SNAP25: variants seen among roughly 807,000 people sequenced by gnomAD.
The protein encoded by SNAP25 is synaptosomal-associated protein 25.
SNAP25 carries 3 observed loss-of-function variants against 28.7 expected under a neutral mutation model. That is an observed-to-expected ratio of 0.10 (90% CI 0.05 to 0.27). SNAP25 has a LOEUF of 0.27. Among genes scored for constraint, SNAP25 ranks in the 10% least tolerant of loss-of-function variants. The pLI, the probability that SNAP25 is intolerant of heterozygous loss-of-function variation, is 1.00. For synonymous variants in SNAP25, 61 were observed against 88.1 expected (o/e 0.69, Z 1.72); for missense variants, 117 against 278.7 (o/e 0.42, Z 4.13).
intron 1 of SNAP25, among the ~76,000 whole-genome samples, chr20:10,256,893 TATATGAAAATTTTC>T (rs1445851120): frequency 6.6e-6 from 1 of 152,228 alleles, no homozygotes; most frequent in Non-Finnish European, 1.5e-5. Context: ...CAATGTCTAA[TATATGAAAATTTTC>T]ATAATGTAAT....
At chr20:10,219,427 A>G (rs902407276) in intron 1 of SNAP25, 1 of 152,098 alleles carries the variant, frequency 6.6e-6, no homozygotes, top group Non-Finnish European at 1.5e-5. Context: ...GCGAAAGGAG[A>G]AAGGGGGAGT....
At chr20:10,290,130 G>A (rs910886564) in intron 4 of SNAP25, among the ~76,000 whole-genome samples, 1 of 152,162 alleles carries the variant, frequency 6.6e-6, no homozygotes, top group African/African-American at 2.4e-5. Flanking sequence ...ATCCCAGAAT[G>A]AGATGCTTAT....
chr20:10,220,152 T>G (rs1164020125), intron 1 of SNAP25, among the ~76,000 whole-genome samples: 1 of 152,190 alleles, frequency 6.6e-6, no homozygotes, highest in Non-Finnish European at 1.5e-5. Context: ...TCTCTCTCTA[T>G]GTTTCCATTT....
chr20:10,238,149 C>T (rs1050459035), intron 1 of SNAP25, among the ~76,000 whole-genome samples: 9 of 152,150 alleles, frequency 5.9e-5, no homozygotes, highest in Non-Finnish European at 8.8e-5. Context: ...CATACCCACC[C>T]ACCCATGATC....
At chr20:10,254,703 C>T (rs1405507783) in intron 1 of SNAP25, among the ~76,000 whole-genome samples, 1 of 152,220 alleles carries the variant, frequency 6.6e-6, no homozygotes, top group Non-Finnish European at 1.5e-5. Context: ...GATGGGAAGA[C>T]ACAGGCCTTG....
intron 1 of SNAP25, among the ~76,000 whole-genome samples, chr20:10,233,560 A>G (rs2062863437): frequency 6.6e-6 from 1 of 152,196 alleles, no homozygotes; most frequent in Non-Finnish European, 1.5e-5. Context: ...TCTCTGGTCC[A>G]TTGAGAAGGT....
intron 1 of SNAP25, among the ~76,000 whole-genome samples, chr20:10,232,029 G>A (rs2062837414): frequency 6.6e-6 from 1 of 152,140 alleles, no homozygotes; most frequent in Non-Finnish European, 1.5e-5. Context: ...TCAAGCCATA[G>A]GAAAAGCAGA....
chr20:10,228,032 G>A (rs1355421874), intron 1 of SNAP25, among the ~76,000 whole-genome samples: 1 of 152,102 alleles, frequency 6.6e-6, no homozygotes, highest in Non-Finnish European at 1.5e-5. Context: ...TTGCCTGGGA[G>A]AGAATCATAA....
chr20:10,257,477 C>G (rs2063338304), intron 1 of SNAP25, among the ~76,000 whole-genome samples: 1 of 152,110 alleles, frequency 6.6e-6, no homozygotes, highest in African/African-American at 2.4e-5. Flanking sequence ...CTTTGGGAGG[C>G]CGAGGCGGGC....
intron 1 of SNAP25, chr20:10,231,624 A>G (rs977166908): frequency 6.6e-6 from 1 of 152,216 alleles, no homozygotes; most frequent in African/African-American, 2.4e-5. Flanking sequence ...CAAACTCTAC[A>G]AAACAGGGTA....
chr20:10,292,280 C>G (rs567279281), intron 4 of SNAP25, among the ~76,000 whole-genome samples: 1 of 152,272 alleles, frequency 6.6e-6, no homozygotes, highest in South Asian at 2.1e-4. Flanking sequence ...GGATGTTACT[C>G]TTTTTTTAAA....
intron 7 of SNAP25, among the ~76,000 whole-genome samples, chr20:10,305,264 A>G (rs2064327548): frequency 6.6e-6 from 1 of 152,228 alleles, no homozygotes; most frequent in Admixed American, 6.5e-5. Flanking sequence ...AATCCTGGCC[A>G]GGTACAATGG....
chr20:10,241,154 A>T (rs2122735994), intron 1 of SNAP25, among the ~76,000 whole-genome samples: 1 of 137,812 alleles, frequency 7.3e-6, no homozygotes, highest in South Asian at 2.6e-4. Flanking sequence ...AGAACTGCAG[A>T]GGCCTTGGCT....
At chr20:10,238,626 T>C (rs1400527749) in intron 1 of SNAP25, among the ~76,000 whole-genome samples, 14 of 152,058 alleles carry the variant, frequency 9.2e-5, no homozygotes, top group Admixed American at 9.2e-4. Context: ...AGAATATCAA[T>C]AGGTTGGGCG....
intron 7 of SNAP25, among the ~76,000 whole-genome samples, chr20:10,301,837 CTT>C (rs2064244130): frequency 7.0e-6 from 1 of 143,558 alleles, no homozygotes; most frequent in African/African-American, 2.6e-5. Context: ...AAATAATAAC[CTT>C]ATATATATAA....
intron 1 of SNAP25, among the ~76,000 whole-genome samples, chr20:10,257,116 G>A (rs1048422520): frequency 1.3e-5 from 2 of 152,104 alleles, no homozygotes; most frequent in Admixed American, 6.5e-5. Context: ...TTGGTCTGGG[G>A]TGTTACCGGG....
chr20:10,258,040 C>T (rs924872803), intron 1 of SNAP25, among the ~76,000 whole-genome samples: 1 of 152,182 alleles, frequency 6.6e-6, no homozygotes, highest in African/African-American at 2.4e-5. Flanking sequence ...ATTTGACATA[C>T]TGGTCATCTA....
chr20:10,290,706 C>G (rs1239060556), intron 4 of SNAP25, among the ~76,000 whole-genome samples: 1 of 151,838 alleles, frequency 6.6e-6, no homozygotes, highest in East Asian at 1.9e-4. Flanking sequence ...TCAAGAAAGA[C>G]AAATAATTGC....
intron 7 of SNAP25, among the ~76,000 whole-genome samples, chr20:10,304,336 C>T (rs2064305095): frequency 6.6e-6 from 1 of 152,146 alleles, no homozygotes; most frequent in Non-Finnish European, 1.5e-5. Context: ...GACCCTTGAA[C>T]AACATGGAGA....
Sources: gnomAD v4.1 joint callset for allele counts (sites outside exome capture counted in the v4.1 genomes callset) on GRCh38, gnomAD v4.1.1 for gene constraint, MANE v1.5 for transcripts, NCBI Gene and HGNC (gene_info 2026-07-23, HGNC 2026-07-21) for gene names.